Variants in CSMD1 observed in about 807,000 individuals in gnomAD.
CSMD1 encodes the protein CUB and Sushi multiple domains 1.
In CSMD1, 213 loss-of-function variants were observed where a neutral mutation model predicts 417.5. The ratio of observed to expected loss-of-function variants is 0.51; its 90% CI spans 0.46 to 0.57. The LOEUF is 0.57. Among genes scored for constraint, CSMD1 ranks in the 20% least tolerant of loss-of-function variants. The pLI, the probability that CSMD1 is intolerant of heterozygous loss-of-function variation, is 0.00. For synonymous variants in CSMD1, 2,862 were observed against 1,736.8 expected (o/e 1.65, Z -16.11); for missense variants, 6,923 against 4,529.7 (o/e 1.53, Z -15.17).
At chr8:4,133,736 GTTT>G (rs202238657) in intron 3 of CSMD1, among the ~76,000 whole-genome samples, 8 of 152,024 alleles carry the variant, frequency 5.3e-5, no homozygotes, top group African/African-American at 1.7e-4. Flanking sequence ...TATGGTTATG[GTTT>G]TTTTTATTAT....
chr8:4,497,326 C>A (rs1802028275), intron 2 of CSMD1, among the ~76,000 whole-genome samples: 1 of 152,174 alleles, frequency 6.6e-6, no homozygotes, highest in African/African-American at 2.4e-5. Flanking sequence ...TCTCACTTGA[C>A]AAAGTAAATC....
At chr8:3,274,570 T>C (rs1802129719) in intron 26 of CSMD1, among the ~76,000 whole-genome samples, 2 of 152,098 alleles carry the variant, frequency 1.3e-5, no homozygotes, top group South Asian at 4.1e-4. Flanking sequence ...TCTAAGTCTC[T>C]TTGTAGGTCA....
intron 5 of CSMD1, among the ~76,000 whole-genome samples, chr8:3,807,608 C>T (rs1161890741): frequency 1.3e-5 from 2 of 152,138 alleles, no homozygotes; most frequent in African/African-American, 2.4e-5. Context: ...GTTTAAATAA[C>T]ATAATTGTGT....
intron 3 of CSMD1, among the ~76,000 whole-genome samples, chr8:4,147,079 C>A (rs1416907572): frequency 6.6e-6 from 1 of 151,926 alleles, no homozygotes; most frequent in Non-Finnish European, 1.5e-5. Flanking sequence ...CTCCAGCTGT[C>A]CTCACTCCAA....
chr8:4,235,268 A>G (rs750550514), intron 3 of CSMD1, among the ~76,000 whole-genome samples: 5 of 152,076 alleles, frequency 3.3e-5, no homozygotes, highest in South Asian at 2.1e-4. Context: ...CGTAGGCTAC[A>G]TCATAAAACT....
chr8:4,927,307 C>G (rs980974334), intron 1 of CSMD1, among the ~76,000 whole-genome samples: 2 of 152,110 alleles, frequency 1.3e-5, no homozygotes, highest in South Asian at 4.1e-4. Flanking sequence ...ATCTGCCAGC[C>G]TCAGCTTCCC....
rs1305727463 is a variant in CSMD1 at position 3,190,014 on chromosome 8, C to T, written c.5296G>A (p.Glu1766Lys). ...EFSAGSIVRFECNPGYLLQGS... is the reference protein window; with the variant it reads ...EFSAGSIVRFKCNPGYLLQGS... Reference sequence around the variant, plus strand: ...TGAAGCAGGTATCCCGGGTTGCACTCGAATCGGACGATGGAGCCGGCAGAA... The same window carrying T: ...TGAAGCAGGTATCCCGGGTTGCACTTGAATCGGACGATGGAGCCGGCAGAA... The change falls in exon 34 of 70, where the codon GAG becomes AAG. Residue 1766 changes from glutamate (E) to lysine (K), a missense_variant. By Grantham distance (56) the Glu-to-Lys change is moderately conservative. Transcript: ENST00000635120. 1.3e-6 allele frequency: 2 copies of T among 1,596,112 alleles called. No homozygotes were observed. The highest frequency in any genetic ancestry group is 1.7e-6 in the Non-Finnish European group (2 of 1,171,644).
intron 1 of CSMD1, among the ~76,000 whole-genome samples, chr8:4,716,534 T>A (rs1388520149): frequency 1.3e-5 from 2 of 152,234 alleles, no homozygotes; most frequent in Non-Finnish European, 2.9e-5. Flanking sequence ...ACTTACCTAC[T>A]TTTAATTGAC....
chr8:4,897,108 G>T (rs942366182), intron 1 of CSMD1, among the ~76,000 whole-genome samples: 3 of 151,936 alleles, frequency 2.0e-5, no homozygotes, highest in Non-Finnish European at 2.9e-5. Flanking sequence ...TTGACTTTGG[G>T]TATTTTATTT....
intron 3 of CSMD1, among the ~76,000 whole-genome samples, chr8:4,291,149 G>A (rs1317383357): frequency 6.6e-6 from 1 of 152,016 alleles, no homozygotes; most frequent in Non-Finnish European, 1.5e-5. Context: ...AATATGGTTT[G>A]GGGATTATCT....
At chr8:4,421,374 G>C (rs934509026) in intron 2 of CSMD1, among the ~76,000 whole-genome samples, 2 of 152,120 alleles carry the variant, frequency 1.3e-5, no homozygotes, top group African/African-American at 4.8e-5. Context: ...AGCAAGAACA[G>C]AGTACACATT....
chr8:3,530,599 G>A (rs917734083), intron 10 of CSMD1, among the ~76,000 whole-genome samples: 1 of 152,176 alleles, frequency 6.6e-6, no homozygotes, highest in Non-Finnish European at 1.5e-5. Context: ...TAGGCTCACA[G>A]CAACCTCTGC....
intron 8 of CSMD1, among the ~76,000 whole-genome samples, chr8:3,610,661 G>A (rs1801847151): frequency 6.6e-6 from 1 of 152,070 alleles, no homozygotes; most frequent in Admixed American, 6.6e-5. Context: ...AATTTTTCTT[G>A]TAACATAGCA....
intron 52 of CSMD1, among the ~76,000 whole-genome samples, chr8:3,012,201 T>A (rs913951776): frequency 1.3e-5 from 2 of 152,232 alleles, no homozygotes; most frequent in African/African-American, 4.8e-5. Flanking sequence ...GATATTTACA[T>A]GCACACTCCA....
intron 5 of CSMD1, among the ~76,000 whole-genome samples, chr8:3,883,281 C>G (rs1806326687): frequency 6.6e-6 from 1 of 152,006 alleles, no homozygotes; most frequent in Non-Finnish European, 1.5e-5. Flanking sequence ...ATTTCCAGCT[C>G]ACATGTTTAC....
At chr8:4,145,882 C>T (rs986553387) in intron 3 of CSMD1, among the ~76,000 whole-genome samples, 3 of 151,046 alleles carry the variant, frequency 2.0e-5, no homozygotes, top group Non-Finnish European at 4.4e-5. Flanking sequence ...TTTTCAAAAT[C>T]ATGTCTTGCT....
chr8:3,853,304 T>C (rs1443002779), intron 5 of CSMD1, among the ~76,000 whole-genome samples: 2 of 152,194 alleles, frequency 1.3e-5, no homozygotes, highest in Non-Finnish European at 2.9e-5. Flanking sequence ...CCTGATCAAT[T>C]TTTCTTCTCA....
chr8:3,620,099 C>G (rs975600819), intron 7 of CSMD1, among the ~76,000 whole-genome samples: 3 of 151,666 alleles, frequency 2.0e-5, no homozygotes, highest in African/African-American at 7.3e-5. Flanking sequence ...AAGGCTCCAA[C>G]TGAAGAAAAG....
intron 2 of CSMD1, among the ~76,000 whole-genome samples, chr8:4,461,686 G>T (rs903643174): frequency 6.6e-6 from 1 of 151,244 alleles, no homozygotes; most frequent in South Asian, 2.1e-4. Context: ...GTATAGCTGG[G>T]GCCATGGGCA....
Sources: gnomAD v4.1 joint callset for allele counts (sites outside exome capture counted in the v4.1 genomes callset) on GRCh38, gnomAD v4.1.1 for gene constraint, MANE v1.5 for transcripts, NCBI Gene and HGNC (gene_info 2026-07-23, HGNC 2026-07-21) for gene names.